C1orf52: variants seen among roughly 807,000 people sequenced by gnomAD.
C1orf52 encodes chromosome 1 open reading frame 52, also known as UPF0690 protein C1orf52.
In C1orf52, 5 loss-of-function variants were observed where a neutral mutation model predicts 17.2. The ratio of observed to expected loss-of-function variants is 0.29; its 90% CI spans 0.15 to 0.61. The LOEUF is 0.61. Ranked by LOEUF, C1orf52 falls within the 20% of genes least tolerant of loss-of-function variation. The pLI, the probability that C1orf52 is intolerant of heterozygous loss-of-function variation, is 0.85. For missense variants in C1orf52, 245 were observed against 234.1 expected, an observed-to-expected ratio of 1.05 and a Z score of -0.30; for synonymous variants, 110 against 88.0, an observed-to-expected ratio of 1.25 and a Z score of -1.40.
chr1:85,259,449 A>T lies in C1orf52; in HGVS notation c.185T>A (p.Leu62Gln). The change falls in exon 1 of 3, where the codon CTG becomes CAG. Residue 62 changes from leucine (L) to glutamine (Q), a missense_variant. Transcript: ENST00000471115. The part of the protein sequence containing the change: ...AEKRLPGPDE[L>Q]FRSVTRPAFL... ...GGCCGGGCGAGTCACGCTCCTAAAC[A>T]GCTCGTCAGGTCCCGGGAGCCGCTT... 7 of 1,613,978 alleles carry T rather than the reference A, an allele frequency of 4.3e-6. No homozygotes were observed. The highest frequency in any genetic ancestry group is 5.1e-6 in the Non-Finnish European group (6 of 1,179,998).
At position 85,259,440 on chromosome 1, in the gene C1orf52, C is replaced by T. The variant is rs1034951575; in HGVS notation, c.194G>A (p.Ser65Asn). The change falls in exon 1 of 3, where the codon AGC (serine) becomes AAC (asparagine). Residue 65 changes from serine (S) to asparagine (N), a missense_variant. Transcript: ENST00000471115. ...RLPGPDELFR[S>N]VTRPAFLYNP... Reference sequence around the variant, plus strand: ...GTAGAGAAAGGCCGGGCGAGTCACGCTCCTAAACAGCTCGTCAGGTCCCGG... The same window carrying T: ...GTAGAGAAAGGCCGGGCGAGTCACGTTCCTAAACAGCTCGTCAGGTCCCGG... The T allele has an allele frequency of 2.8e-5, 45 of 1,613,968 alleles. No individual in the cohort carries two copies. The highest frequency in any genetic ancestry group is 3.1e-5 in the Non-Finnish European group (36 of 1,180,034).
At chr1:85,255,367 T>A (rs1659911077) in intron 2 of C1orf52, among the ~76,000 whole-genome samples, 1 of 151,946 alleles carries the variant, frequency 6.6e-6, no homozygotes, top group South Asian at 2.1e-4. Flanking sequence ...CTGGCCAACA[T>A]GCTGAAACCC....
chr1:85,255,375 C>G lies in C1orf52; in HGVS notation c.476-2673G>C, dbSNP rs573310520. ...GACCACCCTGGCCAACATGCTGAAA[C>G]CCCATCTCCACTAAAAATACAAAAA... On this transcript the variant is annotated intron_variant, in intron 2 of 2. Transcript: ENST00000471115. Among the ~76,000 whole-genome samples, 31 of 152,168 alleles carry G rather than the reference C, an allele frequency of 2.0e-4. No homozygotes were observed. The South Asian group carries it at 6.2e-3, about 31-fold the overall frequency.
At chr1:85,253,612 G>A (rs1172643670) in intron 2 of C1orf52, among the ~76,000 whole-genome samples, 3 of 152,120 alleles carry the variant, frequency 2.0e-5, no homozygotes, top group Non-Finnish European at 4.4e-5. Context: ...GAGAGGGGAG[G>A]GAGGTTAGAG....
intron 2 of C1orf52, among the ~76,000 whole-genome samples, chr1:85,254,395 C>CTT (rs71585148): frequency 1.2e-3 from 168 of 145,992 alleles, no homozygotes; most frequent in Middle Eastern, 6.9e-3. Flanking sequence ...AAACGTTTTG[C>CTT]TTTTTTTTTT....
chr1:85,258,151 G>GA (rs1393197000), intron 2 of C1orf52, among the ~76,000 whole-genome samples: 4 of 150,736 alleles, frequency 2.7e-5, no homozygotes, highest in African/African-American at 4.9e-5. Context: ...AGAAAAAGAA[G>GA]AAAAAAAAGA....
chr1:85,259,081 G>C, intron 1 of C1orf52: 1 of 1,355,702 alleles, frequency 7.4e-7, no homozygotes, highest in African/African-American at 1.5e-5. Flanking sequence ...GGGGGGCGGG[G>C]GAGTCACCAC....
In C1orf52 at chr1:85,252,435, T is replaced by C. The variant is rs933382037; in HGVS notation, c.*194A>G. The C allele has an allele frequency of 2.0e-6, 1 of 500,550 alleles. No individual in the cohort carries two copies. 31.0% of individuals were successfully genotyped at this position (500,550 alleles called of 1,614,324 possible). A position where few individuals can be genotyped will look rare whatever the true frequency, so the allele number is the denominator to read the frequency against. ...CAATTTCACAATCACAAGTCACCAG[T>C]TGAGTTTTAAATACATACATGTTTT... On this transcript the variant is annotated 3_prime_UTR_variant, in exon 3 of 3. Coordinates refer to ENST00000471115, the MANE Select transcript of C1orf52 (RefSeq NM_198077.4).
At chr1:85,258,997 G>A in intron 1 of C1orf52, 2 of 1,350,028 alleles carry the variant, frequency 1.5e-6, no homozygotes, top group Non-Finnish European at 1.9e-6. Flanking sequence ...GGCTGCAGCA[G>A]ACACTGTCTT....
In C1orf52 at chr1:85,259,643, G is replaced by C. The variant is rs1332961857; in HGVS notation, c.-10C>G. 2.6e-6 allele frequency: 4 copies of C among 1,535,320 alleles called. 1 individual carries two copies. In the South Asian group the frequency reaches 4.8e-5, roughly 19 times the overall value. ...TCTCCTCCGCTGCCATGACGGCTGC[G>C]AGCGACAACCCAGCACTCCGCCGGA... On this transcript the variant is annotated 5_prime_UTR_variant, in exon 1 of 3. Coordinates refer to ENST00000471115, the MANE Select transcript of C1orf52 (RefSeq NM_198077.4).
At position 85,252,504 on chromosome 1, in the gene C1orf52, C is replaced by T; in HGVS notation, c.*125G>A. On this transcript the variant is annotated 3_prime_UTR_variant, in exon 3 of 3. Coordinates refer to ENST00000471115, the MANE Select transcript of C1orf52 (RefSeq NM_198077.4). ...ATAGTGGAAAGTTCTTGAGGCAATACTTATTAGTTCATTAACGTATGCATT... is the reference window on the plus strand; with the variant it reads ...ATAGTGGAAAGTTCTTGAGGCAATATTTATTAGTTCATTAACGTATGCATT... The T allele has an allele frequency of 1.4e-6, 1 of 734,178 alleles. No homozygotes were observed. The highest frequency in any genetic ancestry group is 2.3e-6 in the Non-Finnish European group (1 of 432,612). The allele number at this position is 734,178 out of a possible 1,614,324, so 45.5% of individuals were successfully genotyped here. A position where few individuals can be genotyped will look rare whatever the true frequency, so the allele number is the denominator to read the frequency against.
Position 85,250,347 on chromosome 1 carries a change from T to C in C1orf52, c.*2282A>G, listed in dbSNP as rs536328082. ...CTCGATTCTCTAAAATGAAAGATAC[T>C]TGGACAGATGATTTTTCTTATGTAT... On this transcript the variant is annotated 3_prime_UTR_variant, in exon 3 of 3. Coordinates refer to ENST00000471115, the MANE Select transcript of C1orf52 (RefSeq NM_198077.4). 4.1e-4 allele frequency: 62 copies of C among 152,358 alleles called. No homozygotes were observed. The highest frequency in any genetic ancestry group is 1.4e-3 in the African/African-American group (59 of 41,580). The allele number at this position is 152,358 out of a possible 1,614,324, so 9.4% of individuals were successfully genotyped here. A position where few individuals can be genotyped will look rare whatever the true frequency, so the allele number is the denominator to read the frequency against.
chr1:85,259,431 C>G lies in C1orf52; in HGVS notation c.203G>C (p.Arg68Pro). 1.9e-6 allele frequency: 3 copies of G among 1,614,014 alleles called. No homozygotes were observed. Among genetic ancestry groups the G allele is most frequent in the Non-Finnish European group, 2.5e-6 (3 of 1,180,008 alleles). ...GPDELFRSVT[R>P]PAFLYNPLNK... ...GAGCGGATTGTAGAGAAAGGCCGGGCGAGTCACGCTCCTAAACAGCTCGTC... is the reference window on the plus strand; with the variant it reads ...GAGCGGATTGTAGAGAAAGGCCGGGGGAGTCACGCTCCTAAACAGCTCGTC... The change falls in exon 1 of 3, where the codon CGC becomes CCC. Residue 68 changes from arginine (R) to proline (P), a missense_variant. Arg to Pro is a moderately radical substitution (Grantham distance 103). Transcript: ENST00000471115.
intron 1 of C1orf52, chr1:85,259,149 C>G: frequency 1.7e-6 from 2 of 1,187,014 alleles, no homozygotes; most frequent in Non-Finnish European, 2.3e-6. Context: ...GGTCTCCTCA[C>G]AAGGGGCGGG....
chr1:85,254,706 C>A (rs1213872175), intron 2 of C1orf52, among the ~76,000 whole-genome samples: 1 of 152,060 alleles, frequency 6.6e-6, no homozygotes, highest in African/African-American at 2.4e-5. Flanking sequence ...TGCTTTTTAA[C>A]GAGTTAATTA....
intron 1 of C1orf52, 102 bp from the exon 2 acceptor site, chr1:85,258,824 CTTTTT>C (rs890915768): frequency 7.2e-7 from 1 of 1,394,944 alleles, no homozygotes; most frequent in East Asian, 2.5e-5. Context: ...TTCAGGCTGA[CTTTTT>C]TTTTCTTTAA....
intron 1 of C1orf52, 198 bp from the exon 2 acceptor site, chr1:85,258,920 A>G (rs1660017931): frequency 2.1e-6 from 3 of 1,420,358 alleles, no homozygotes; most frequent in Admixed American, 6.1e-5. Flanking sequence ...AATAAAGCTA[A>G]TAACTTTTAG....
At chr1:85,256,775 G>A (rs1394190551) in intron 2 of C1orf52, among the ~76,000 whole-genome samples, 1 of 129,750 alleles carries the variant, frequency 7.7e-6, no homozygotes, top group Non-Finnish European at 1.5e-5. Context: ...CTCCAGCCTG[G>A]GCGACTGACC....
intron 2 of C1orf52, among the ~76,000 whole-genome samples, chr1:85,254,542 C>T (rs533074528): frequency 2.8e-4 from 42 of 152,218 alleles, no homozygotes; most frequent in African/African-American, 9.4e-4. Context: ...CAGGTGCCTG[C>T]CATCACACCC....
Sources: gnomAD v4.1 joint callset for allele counts (sites outside exome capture counted in the v4.1 genomes callset) on GRCh38, gnomAD v4.1.1 for gene constraint, MANE v1.5 for transcripts, NCBI Gene and HGNC (gene_info 2026-07-23, HGNC 2026-07-21) for gene names.